The following RANBP17 variants were observed in gnomAD, a reference collection of about 807,000 sequenced individuals.
RANBP17 encodes ran-binding protein 17.
Under a neutral mutation model 141.2 loss-of-function variants are expected in RANBP17, and 158 were observed. That is an observed-to-expected ratio of 1.12 (90% CI 0.98 to 1.28). RANBP17 has a LOEUF of 1.28. RANBP17 is among the 50% of genes most tolerant of loss of function. The pLI, the probability that RANBP17 is intolerant of heterozygous loss-of-function variation, is 0.00. For synonymous variants in RANBP17, 430 were observed against 450.0 expected (o/e 0.96, Z 0.56); for missense variants, 1,438 against 1,290.7 (o/e 1.11, Z -1.75).
chr5:170,946,334 G>T lies in RANBP17; in HGVS notation c.1469-7263G>T, dbSNP rs1453430140. On this transcript the variant is annotated intron_variant, in intron 12 of 27. Coordinates refer to ENST00000523189, the MANE Select transcript of RANBP17 (RefSeq NM_022897.5). Reference sequence around the variant, plus strand: ...TTTTGAGAAATAATTTACAATAGGAGATTTTAAAAAGAATGACTCCTACAG... The same window carrying T: ...TTTTGAGAAATAATTTACAATAGGATATTTTAAAAAGAATGACTCCTACAG... Among the ~76,000 whole-genome samples the T allele has an allele frequency of 2.0e-5, 3 of 152,046 alleles. 1 individual carries two copies. In the East Asian group the frequency reaches 5.8e-4, roughly 29 times the overall value.
intron 7 of RANBP17, among the ~76,000 whole-genome samples, chr5:170,911,753 T>C (rs1771544395): frequency 6.6e-6 from 1 of 151,816 alleles, no homozygotes; most frequent in Non-Finnish European, 1.5e-5. Flanking sequence ...GAGAATGAAT[T>C]AGATTAAGTG....
chr5:171,006,359 A>G (rs1283615170), intron 14 of RANBP17, among the ~76,000 whole-genome samples: 1 of 152,316 alleles, frequency 6.6e-6, no homozygotes, highest in South Asian at 2.1e-4. Context: ...ATGTCCAGCA[A>G]TGATAGACTG....
At position 170,862,073 on chromosome 5, in the gene RANBP17, G is replaced by C. The variant is rs554426703; in HGVS notation, c.18+22G>C. The stretch of plus-strand genomic sequence containing the variant: ...CCAGGTCAGTGTGCTCTGCGCCGCG[G>C]GCCCGCGCTCCGCCACGCTGGGAAC... On this transcript the variant is annotated intron_variant, in intron 1 of 27. Coordinates refer to ENST00000523189, the MANE Select transcript of RANBP17 (RefSeq NM_022897.5). The C allele has an allele frequency of 4.6e-5, 67 of 1,446,764 alleles. No homozygotes were observed. The East Asian group carries it at 1.8e-3, about 38-fold the overall frequency. The allele number at this position is 1,446,764 out of a possible 1,614,324, so 89.6% of individuals were successfully genotyped here. A position where few individuals can be genotyped will look rare whatever the true frequency, so the allele number is the denominator to read the frequency against.
At chr5:170,926,875 A>G (rs1772970980) in intron 12 of RANBP17, among the ~76,000 whole-genome samples, 1 of 152,164 alleles carries the variant, frequency 6.6e-6, no homozygotes, top group Non-Finnish European at 1.5e-5. Context: ...AATACAGCAT[A>G]CCATACTCAC....
At chr5:171,109,517 C>T (rs1755071505) in intron 14 of RANBP17, among the ~76,000 whole-genome samples, 1 of 152,136 alleles carries the variant, frequency 6.6e-6, no homozygotes, top group South Asian at 2.1e-4. Flanking sequence ...GGTTCCAAGA[C>T]ACCCCACAGA....
intron 14 of RANBP17, among the ~76,000 whole-genome samples, chr5:171,080,183 A>C (rs1785176423): frequency 6.6e-6 from 1 of 152,010 alleles, no homozygotes; most frequent in African/African-American, 2.4e-5. Flanking sequence ...TGTAGAACCA[A>C]ATGATTGCTA....
At chr5:171,070,987 TA>T (rs1784598467) in intron 14 of RANBP17, among the ~76,000 whole-genome samples, 1 of 152,136 alleles carries the variant, frequency 6.6e-6, no homozygotes, top group Non-Finnish European at 1.5e-5. Context: ...TTCTGGTACA[TA>T]ACTGTTCTGC....
intron 25 of RANBP17, among the ~76,000 whole-genome samples, chr5:171,290,751 A>C (rs180926853): frequency 1.5e-3 from 221 of 152,330 alleles, no homozygotes; most frequent in Non-Finnish European, 2.5e-3. Context: ...AGAGACTATA[A>C]TCTCATTTAT....
chr5:171,153,020 G>A (rs1758600390), intron 14 of RANBP17, among the ~76,000 whole-genome samples: 1 of 152,284 alleles, frequency 6.6e-6, no homozygotes, highest in East Asian at 1.9e-4. Flanking sequence ...TATGCTCTGT[G>A]TCCTTATTTT....
chr5:170,998,323 A>G (rs546436862), intron 14 of RANBP17, among the ~76,000 whole-genome samples: 4 of 152,294 alleles, frequency 2.6e-5, no homozygotes, highest in South Asian at 4.1e-4. Flanking sequence ...TCAAATCATT[A>G]GGAACACTCA....
chr5:171,218,734 T>C (rs921454354), intron 21 of RANBP17, among the ~76,000 whole-genome samples: 2 of 152,134 alleles, frequency 1.3e-5, no homozygotes, highest in African/African-American at 4.8e-5. Context: ...CTTTTTTTTT[T>C]TTCCTTTCCA....
At chr5:170,939,358 A>G (rs1774137909) in intron 12 of RANBP17, among the ~76,000 whole-genome samples, 1 of 145,586 alleles carries the variant, frequency 6.9e-6, no homozygotes, top group Admixed American at 6.9e-5. Context: ...CAAAAATTTT[A>G]TTTTATTTAT....
chr5:171,011,403 C>T (rs932973923), intron 14 of RANBP17, among the ~76,000 whole-genome samples: 40 of 151,438 alleles, frequency 2.6e-4, no homozygotes, highest in South Asian at 2.1e-4. Context: ...GGTAGTTATT[C>T]GTTCTGTTCT....
chr5:171,017,744 G>T (rs1253293593), intron 14 of RANBP17, among the ~76,000 whole-genome samples: 1 of 152,134 alleles, frequency 6.6e-6, no homozygotes, highest in African/African-American at 2.4e-5. Context: ...CTGTGCAGAA[G>T]CTCTTTAGTT....
At chr5:171,278,221 C>CA (rs1448487506) in intron 25 of RANBP17, among the ~76,000 whole-genome samples, 1 of 151,468 alleles carries the variant, frequency 6.6e-6, no homozygotes, top group South Asian at 2.1e-4. Flanking sequence ...TCTGTCTCTA[C>CA]AAAAAAAATT....
intron 14 of RANBP17, among the ~76,000 whole-genome samples, chr5:171,157,880 CAGAT>C (rs1328636234): frequency 6.6e-6 from 1 of 152,214 alleles, no homozygotes; most frequent in Non-Finnish European, 1.5e-5. Flanking sequence ...GAACCTTTGA[CAGAT>C]AGTTTGGATG....
chr5:170,885,069 G>A (rs1455981450), intron 3 of RANBP17, among the ~76,000 whole-genome samples: 1 of 151,966 alleles, frequency 6.6e-6, no homozygotes, highest in African/African-American at 2.4e-5. Flanking sequence ...TAGAGTTGAC[G>A]TTAGTAAATC....
At chr5:170,874,364 A>G (rs7710765) in intron 1 of RANBP17, among the ~76,000 whole-genome samples, 145,331 of 152,276 alleles carry the variant, frequency 0.95, 69,392 homozygotes, top group East Asian at 1. Flanking sequence ...CCAGAGCTGA[A>G]TTCAAGTCCT....
chr5:171,004,997 A>AC (rs1779489114), intron 14 of RANBP17, among the ~76,000 whole-genome samples: 1 of 151,938 alleles, frequency 6.6e-6, no homozygotes, highest in Non-Finnish European at 1.5e-5. Context: ...CTGTCTGGCT[A>AC]CCCCCTCTCT....
Sources: allele counts gnomAD v4.1 joint callset (sites outside exome capture counted in the v4.1 genomes callset), GRCh38; gene constraint gnomAD v4.1.1; transcripts MANE v1.5; gene names NCBI Gene and HGNC (gene_info 2026-07-23, HGNC 2026-07-21).